Variants in MYOZ2 observed in about 807,000 individuals in gnomAD.
The protein encoded by MYOZ2 is myozenin 2, also known as myozenin-2.
Under a neutral mutation model 25.4 loss-of-function variants are expected in MYOZ2, and 19 were observed. The observed-to-expected ratio is 0.75, with a 90% CI of 0.52 to 1.10. MYOZ2 has a LOEUF of 1.10. MYOZ2 is among the 50% of genes least tolerant of loss of function. The probability of loss-of-function intolerance (pLI) is 0.00; values close to 1 mark genes in which losing one functional copy is unlikely to be tolerated. For missense variants in MYOZ2, 270 were observed against 317.9 expected (o/e 0.85, Z 1.15); for synonymous variants, 92 against 106.9 (o/e 0.86, Z 0.86).
intron 2 of MYOZ2, among the ~76,000 whole-genome samples, chr4:119,145,331 G>A (rs904723494): frequency 1.9e-4 from 25 of 133,412 alleles, no homozygotes; most frequent in Middle Eastern, 8.0e-3. Flanking sequence ...TTCTGTGTGC[G>A]TGTGTGGTTT....
chr4:119,157,297 C>G (rs1741600432), intron 3 of MYOZ2, among the ~76,000 whole-genome samples: 1 of 152,106 alleles, frequency 6.6e-6, no homozygotes, highest in African/African-American at 2.4e-5. Flanking sequence ...CTTTTGAGGA[C>G]ATAACCTACT....
At chr4:119,181,944 T>C (rs1043925958) in intron 5 of MYOZ2, among the ~76,000 whole-genome samples, 1 of 152,216 alleles carries the variant, frequency 6.6e-6, no homozygotes, top group Non-Finnish European at 1.5e-5. Flanking sequence ...GTAAATATTA[T>C]AAAACACGAC....
At position 119,136,524 on chromosome 4, in the gene MYOZ2, C is replaced by T; in HGVS notation, c.-2C>T. ...TTGTTTTTAACAGGGAACAAAAAAA[C>T]CATGCTATCACATAATACTATGATG... On this transcript the variant is annotated 5_prime_UTR_variant, in exon 2 of 6. Transcript: ENST00000307128. 1 of 1,613,122 alleles carries T rather than the reference C, an allele frequency of 6.2e-7. No homozygotes were observed. The highest frequency in any genetic ancestry group is 8.5e-7 in the Non-Finnish European group (1 of 1,179,354).
intron 5 of MYOZ2, among the ~76,000 whole-genome samples, chr4:119,167,708 T>G (rs1741855296): frequency 6.6e-6 from 1 of 152,174 alleles, no homozygotes; most frequent in Non-Finnish European, 1.5e-5. Flanking sequence ...TGAATTTGAG[T>G]TGAGTTGAAG....
chr4:119,171,704 AT>A (rs1741950818), intron 5 of MYOZ2, among the ~76,000 whole-genome samples: 1 of 149,574 alleles, frequency 6.7e-6, no homozygotes, highest in East Asian at 1.9e-4. Flanking sequence ...ATACATATAT[AT>A]TTTTAATAAA....
intron 5 of MYOZ2, among the ~76,000 whole-genome samples, chr4:119,172,950 G>A (rs925813045): frequency 2.6e-5 from 4 of 152,104 alleles, no homozygotes; most frequent in African/African-American, 4.8e-5. Context: ...ATGACTTCGG[G>A]TATGTCACTT....
intron 4 of MYOZ2, 33 bp downstream of exon 4, chr4:119,158,184 A>T (rs1455624745): frequency 1.6e-5 from 25 of 1,610,422 alleles, no homozygotes; most frequent in Non-Finnish European, 2.1e-5. Context: ...GAGCAATAAA[A>T]TTTCTGTGTA....
chr4:119,135,878 A>C lies in MYOZ2; in HGVS notation c.-119A>C, dbSNP rs367558882. The C allele has an allele frequency of 6.4e-6, 1 of 156,416 alleles. No homozygotes were observed. Among genetic ancestry groups the C allele is most frequent in the South Asian group, 2.0e-4 (1 of 5,104 alleles). The allele number at this position is 156,416 out of a possible 1,614,324, so 9.7% of individuals were successfully genotyped here. On this transcript the variant is annotated 5_prime_UTR_variant, in exon 1 of 6. Coordinates refer to ENST00000307128, the MANE Select transcript of MYOZ2 (RefSeq NM_016599.5). Reference sequence around the variant, plus strand: ...TAGGGACCATGCTGTCCCAGGTTCAAGGATAAAAACCATCAGGCCCAAGTG... The same window carrying C: ...TAGGGACCATGCTGTCCCAGGTTCACGGATAAAAACCATCAGGCCCAAGTG...
At chr4:119,138,063 G>A (rs1257563979) in intron 2 of MYOZ2, among the ~76,000 whole-genome samples, 1 of 151,898 alleles carries the variant, frequency 6.6e-6, no homozygotes, top group Non-Finnish European at 1.5e-5. Flanking sequence ...AGGGTAAGAA[G>A]TTTTTTTTCC....
intron 2 of MYOZ2, among the ~76,000 whole-genome samples, chr4:119,137,248 C>T (rs897281865): frequency 4.6e-5 from 7 of 152,134 alleles, no homozygotes; most frequent in African/African-American, 1.4e-4. Context: ...TAATATTTCA[C>T]TCTCTCCTTT....
rs1742334703 is a variant in MYOZ2 at position 119,187,609 on chromosome 4, G to C, written c.*1409G>C. The stretch of plus-strand genomic sequence containing the variant: ...TTATATTTATATATATTATTGTAGA[G>C]AATTTGTATATTTTTAAAGATGTCT... On this transcript the variant is annotated 3_prime_UTR_variant, in exon 6 of 6. Transcript: ENST00000307128. 1 of 151,902 alleles carries C rather than the reference G, an allele frequency of 6.6e-6. No individual in the cohort carries two copies. The allele number at this position is 151,902 out of a possible 1,614,324, so 9.4% of individuals were successfully genotyped here.
intron 4 of MYOZ2, among the ~76,000 whole-genome samples, chr4:119,163,460 CA>C (rs1578737930): frequency 6.6e-6 from 1 of 152,152 alleles, no homozygotes; most frequent in Non-Finnish European, 1.5e-5. Context: ...GGAAGAGTGT[CA>C]CTCTATGCAT....
At chr4:119,153,030 A>G (rs1004096933) in intron 3 of MYOZ2, among the ~76,000 whole-genome samples, 1 of 150,036 alleles carries the variant, frequency 6.7e-6, no homozygotes, top group African/African-American at 2.4e-5. Context: ...CCCACCAGCC[A>G]TGTGATTTAG....
chr4:119,151,035 A>G lies in MYOZ2; in HGVS notation c.240A>G (p.Gln80=). 6.2e-7 allele frequency: 1 copy of G among 1,609,992 alleles called. No homozygotes were observed. The highest frequency in any genetic ancestry group is 8.5e-7 in the Non-Finnish European group (1 of 1,176,364). Reference sequence around the variant, plus strand: ...ATTTCCAGTATCAATCTAGAGCACAAATAAATGTAGGTATAACTTGAACAG... The same window carrying G: ...ATTTCCAGTATCAATCTAGAGCACAGATAAATGTAGGTATAACTTGAACAG... ...FENFQYQSRA[Q]INHSIAMQNG... is the part of the protein sequence containing the mutation. Residue 80 remains glutamine (Q), a synonymous_variant, in exon 3 of 6, where the codon CAA becomes CAG. Coordinates refer to ENST00000307128, the MANE Select transcript of MYOZ2 (RefSeq NM_016599.5).
chr4:119,157,084 A>C (rs1741591560), intron 3 of MYOZ2, among the ~76,000 whole-genome samples: 1 of 152,190 alleles, frequency 6.6e-6, no homozygotes, highest in Admixed American at 6.5e-5. Context: ...TCTTACAAAC[A>C]AATATAGAAA....
In MYOZ2 at chr4:119,150,697, G is replaced by A. The variant is rs370679359; in HGVS notation, c.77-175G>A. ...TTCTCATATTAATGCTTTGCAATAG[G>A]TATTAGTATTATTAGCTCCACTTTA... On this transcript the variant is annotated intron_variant, in intron 2 of 5. Transcript: ENST00000307128. 5.9e-5 allele frequency among the ~76,000 whole-genome samples: 9 copies of A among 152,088 alleles called. No homozygotes were observed. In the East Asian group the frequency reaches 1.2e-3, roughly 20 times the overall value.
chr4:119,150,047 A>C (rs1247468428), intron 2 of MYOZ2, among the ~76,000 whole-genome samples: 2 of 152,220 alleles, frequency 1.3e-5, no homozygotes, highest in Non-Finnish European at 2.9e-5. Flanking sequence ...TGGGTATTAC[A>C]GAAATATATT....
rs568227360 is a variant in MYOZ2, at chr4:119,174,607, T to C, written c.560+10213T>C. ...ATCTGATGGGGAGGTGGAGAACCTT[T>C]GTATCTAGCTCAGGGATTGTAAATG... On this transcript the variant is annotated intron_variant, in intron 5 of 5. Coordinates refer to ENST00000307128, the MANE Select transcript of MYOZ2 (RefSeq NM_016599.5). Among the ~76,000 whole-genome samples, 3 of 152,194 alleles carry C rather than the reference T, an allele frequency of 2.0e-5. No homozygotes were observed. In the South Asian group the frequency reaches 6.2e-4, roughly 32 times the overall value.
chr4:119,176,978 T>A (rs577927917), intron 5 of MYOZ2, among the ~76,000 whole-genome samples: 1 of 152,160 alleles, frequency 6.6e-6, no homozygotes, highest in African/African-American at 2.4e-5. Context: ...GACCACACAC[T>A]GAGTACTGGG....
Sources: gnomAD v4.1 joint callset for allele counts (sites outside exome capture counted in the v4.1 genomes callset) on GRCh38, gnomAD v4.1.1 for gene constraint, MANE v1.5 for transcripts, NCBI Gene and HGNC (gene_info 2026-07-23, HGNC 2026-07-21) for gene names.